GRB14: variants seen among roughly 807,000 people sequenced by gnomAD.
The protein encoded by GRB14 is growth factor receptor-bound protein 14.
A neutral mutation model predicts 69.1 loss-of-function variants in GRB14; 38 were observed. The observed-to-expected ratio is 0.55, with a 90% CI of 0.42 to 0.72. The LOEUF is 0.72. GRB14 is among the 30% of genes least tolerant of loss of function. The probability of loss-of-function intolerance (pLI) is 0.00; values close to 1 mark genes in which losing one functional copy is unlikely to be tolerated. For synonymous variants in GRB14, 247 were observed against 241.3 expected (o/e 1.02, Z -0.22); for missense variants, 666 against 666.1 (o/e 1.00, Z 0.00).
At chr2:164,611,799 A>G (rs1690172392) in intron 2 of GRB14, among the ~76,000 whole-genome samples, 1 of 152,004 alleles carries the variant, frequency 6.6e-6, no homozygotes, top group African/African-American at 2.4e-5. Context: ...TCTTTGTCCT[A>G]TGACACCCCA....
At chr2:164,500,216 C>T (rs1204171561) in intron 9 of GRB14, among the ~76,000 whole-genome samples, 1 of 152,038 alleles carries the variant, frequency 6.6e-6, no homozygotes, top group Admixed American at 6.6e-5. Flanking sequence ...TAAAAAGGAC[C>T]AAATATATTT....
chr2:164,610,075 C>T (rs893224787), intron 2 of GRB14, among the ~76,000 whole-genome samples: 1 of 152,174 alleles, frequency 6.6e-6, no homozygotes, highest in Non-Finnish European at 1.5e-5. Flanking sequence ...CAGGTGGGTT[C>T]TCAGGAAGTG....
At chr2:164,538,948 T>C (rs370495272) in intron 3 of GRB14, among the ~76,000 whole-genome samples, 3 of 152,110 alleles carry the variant, frequency 2.0e-5, no homozygotes, top group African/African-American at 7.2e-5. Context: ...CAATTTAAAT[T>C]ATAGCATTCC....
chr2:164,521,123 C>T (rs1338667382), intron 6 of GRB14, among the ~76,000 whole-genome samples: 3 of 151,964 alleles, frequency 2.0e-5, no homozygotes, highest in Admixed American at 6.6e-5. Flanking sequence ...CATCAATCAA[C>T]GAGTGGATAA....
intron 3 of GRB14, among the ~76,000 whole-genome samples, chr2:164,529,422 T>C (rs1342741962): frequency 6.6e-6 from 1 of 152,206 alleles, no homozygotes; most frequent in Non-Finnish European, 1.5e-5. Context: ...ACCAAAAAAC[T>C]TTTTAAACTT....
At chr2:164,537,154 T>A (rs565503649) in intron 3 of GRB14, among the ~76,000 whole-genome samples, 2 of 152,308 alleles carry the variant, frequency 1.3e-5, no homozygotes, top group East Asian at 1.9e-4. Flanking sequence ...GAGCATGGGA[T>A]GCCTCCAACT....
At chr2:164,527,260 C>T (rs1432374162) in intron 3 of GRB14, 125 bp from the exon 4 acceptor site, 17 of 235,696 alleles carry the variant, frequency 7.2e-5, no homozygotes, top group African/African-American at 3.8e-4. Context: ...ATGTATTACG[C>T]ATCTTTGTTA....
intron 2 of GRB14, among the ~76,000 whole-genome samples, chr2:164,583,201 T>C (rs1689455693): frequency 6.6e-6 from 1 of 152,164 alleles, no homozygotes; most frequent in South Asian, 2.1e-4. Context: ...ATGGCCCTCT[T>C]ACATTAAAAC....
At chr2:164,556,258 G>A (rs1013416928) in intron 2 of GRB14, among the ~76,000 whole-genome samples, 2 of 152,100 alleles carry the variant, frequency 1.3e-5, no homozygotes, top group Non-Finnish European at 2.9e-5. Flanking sequence ...TTGCTATCCT[G>A]TATTATTTTG....
chr2:164,502,525 C>A (rs1039861639), intron 8 of GRB14, among the ~76,000 whole-genome samples, 190 bp from the exon 9 acceptor site: 2 of 152,036 alleles, frequency 1.3e-5, no homozygotes, highest in Non-Finnish European at 2.9e-5. Context: ...CAATTGAAGT[C>A]TTTTACTTAG....
At chr2:164,503,169 T>TAA (rs3086552) in intron 8 of GRB14, among the ~76,000 whole-genome samples, 11,742 of 126,308 alleles carry the variant, frequency 0.093, 684 homozygotes, top group East Asian at 0.3. Flanking sequence ...GCTACTTTGT[T>TAA]AAAAAAAAAA....
chr2:164,551,027 G>A (rs1171950284), intron 2 of GRB14, among the ~76,000 whole-genome samples: 1 of 152,094 alleles, frequency 6.6e-6, no homozygotes, highest in African/African-American at 2.4e-5. Flanking sequence ...AAATATTCAG[G>A]AGCTCTAAAA....
intron 3 of GRB14, among the ~76,000 whole-genome samples, chr2:164,541,942 C>T (rs573436505): frequency 2.0e-5 from 3 of 152,146 alleles, no homozygotes; most frequent in Admixed American, 6.5e-5. Context: ...CCACTTAATA[C>T]GGAACCCAAA....
chr2:164,611,192 T>A (rs1690159959), intron 2 of GRB14, among the ~76,000 whole-genome samples: 1 of 152,198 alleles, frequency 6.6e-6, no homozygotes, highest in Admixed American at 6.5e-5. Flanking sequence ...GATTTCATTC[T>A]AAGGTATTAA....
At chr2:164,615,019 G>T (rs1333498231) in intron 2 of GRB14, among the ~76,000 whole-genome samples, 1 of 152,086 alleles carries the variant, frequency 6.6e-6, no homozygotes, top group African/African-American at 2.4e-5. Context: ...TACAAAAAAA[G>T]GCTTAATTTA....
chr2:164,512,411 C>T (rs928522166), intron 6 of GRB14, among the ~76,000 whole-genome samples: 1 of 152,164 alleles, frequency 6.6e-6, no homozygotes, highest in African/African-American at 2.4e-5. Flanking sequence ...AGGTAATCCA[C>T]CCACCTTGGC....
chr2:164,529,887 T>A lies in GRB14; in HGVS notation c.482-2752A>T, dbSNP rs568892219. ...CTGGCAGTTAGTTATAACTTAGTCA[T>A]TTGTTCATCCATTCAACAAATATTT... On this transcript the variant is annotated intron_variant, in intron 3 of 13. Transcript: ENST00000263915. Among the ~76,000 whole-genome samples, 3 of 152,286 alleles carry A rather than the reference T, an allele frequency of 2.0e-5. No homozygotes were observed. In the South Asian group the frequency reaches 6.2e-4, roughly 32 times the overall value.
chr2:164,494,432 G>A lies in GRB14; in HGVS notation c.1475C>T (p.Pro492Leu). ...GQKIKHFQII[P>L]VEDDGEMFHT... The stretch of plus-strand genomic sequence containing the variant: ...AATGTGAAATCACGAATTACTTACT[G>A]GTATAATTTGAAAGTGCTTTATTTT... Residue 492 changes from proline to leucine, a missense_variant and splice_region_variant, in exon 13 of 14, where the codon CCA becomes CTA. Physicochemically the swap from Pro to Leu is moderately conservative, Grantham distance 98. Coordinates refer to ENST00000263915, the MANE Select transcript of GRB14 (RefSeq NM_004490.3). 1 of 1,503,934 alleles carries A rather than the reference G, an allele frequency of 6.6e-7. No homozygotes were observed. Among genetic ancestry groups the A allele is most frequent in the Non-Finnish European group, 9.3e-7 (1 of 1,079,942 alleles). The allele number at this position is 1,503,934 out of a possible 1,614,324, so 93.2% of individuals were successfully genotyped here. A position where few individuals can be genotyped will look rare whatever the true frequency, so the allele number is the denominator to read the frequency against.
At chr2:164,494,365 T>G in intron 13 of GRB14, 66 bp downstream of exon 13, 1 of 859,876 alleles carries the variant, frequency 1.2e-6, no homozygotes, top group Non-Finnish European at 2.0e-6. Context: ...GCTTATGCAT[T>G]AAGATCAAAA....
Sources: gnomAD v4.1 joint callset for allele counts (sites outside exome capture counted in the v4.1 genomes callset) on GRCh38, gnomAD v4.1.1 for gene constraint, MANE v1.5 for transcripts, NCBI Gene and HGNC (gene_info 2026-07-23, HGNC 2026-07-21) for gene names.